The following THSD4 variants were observed in gnomAD, a reference collection of about 807,000 sequenced individuals.
The protein encoded by THSD4 is thrombospondin type-1 domain-containing protein 4.
THSD4 carries 69 observed loss-of-function variants against 119.0 expected under a neutral mutation model. The observed-to-expected ratio is 0.58, with a 90% CI of 0.48 to 0.71. The LOEUF (loss-of-function observed/expected upper bound fraction) is 0.71, where lower values mean the gene tolerates loss of function less well. THSD4 is among the 30% of genes least tolerant of loss of function. The pLI is 0.00. For synonymous variants in THSD4, 524 were observed against 540.4 expected (o/e 0.97, Z 0.42); for missense variants, 1,393 against 1,391.1 (o/e 1.00, Z -0.02).
intron 8 of THSD4, among the ~76,000 whole-genome samples, chr15:71,725,759 G>T (rs1469737791): frequency 6.6e-6 from 1 of 152,116 alleles, no homozygotes; most frequent in Admixed American, 6.5e-5. Flanking sequence ...GATGGTTGAG[G>T]AATTAGTGGG....
intron 7 of THSD4, among the ~76,000 whole-genome samples, chr15:71,538,101 G>A (rs1423242322): frequency 6.6e-6 from 1 of 151,908 alleles, no homozygotes; most frequent in Admixed American, 6.6e-5. Flanking sequence ...TCAACTTACA[G>A]AATTTTAAAA....
intron 7 of THSD4, among the ~76,000 whole-genome samples, chr15:71,419,456 C>T (rs1342532469): frequency 9.2e-6 from 1 of 108,250 alleles, no homozygotes; most frequent in African/African-American, 3.1e-5. Flanking sequence ...CTGCCTTGGC[C>T]TCCCAAAGTG....
intron 7 of THSD4, among the ~76,000 whole-genome samples, chr15:71,458,307 A>G (rs1395849750): frequency 1.3e-5 from 2 of 152,202 alleles, no homozygotes; most frequent in Non-Finnish European, 2.9e-5. Flanking sequence ...CTATTGTTAC[A>G]CTGTGGAAAG....
chr15:71,120,694 A>G (rs2040401834), intron 1 of THSD4, among the ~76,000 whole-genome samples: 2 of 152,228 alleles, frequency 1.3e-5, no homozygotes, highest in Non-Finnish European at 2.9e-5. Flanking sequence ...AGGGCCAGCC[A>G]TGGGCTGGGA....
At chr15:71,746,735 C>G in intron 12 of THSD4, 103 bp from the exon 13 acceptor site, 2 of 1,240,366 alleles carry the variant, frequency 1.6e-6, no homozygotes, top group Non-Finnish European at 2.3e-6. Context: ...GAAACTCTAC[C>G]CATAGTGATT....
intron 17 of THSD4, 59 bp from the exon 18 acceptor site, chr15:71,777,173 A>T: frequency 6.2e-7 from 1 of 1,609,458 alleles, no homozygotes; most frequent in Admixed American, 1.7e-5. Flanking sequence ...TTCTCTTCCC[A>T]CTGGTCCAGG....
At chr15:71,623,594 A>G (rs1416325633) in intron 7 of THSD4, among the ~76,000 whole-genome samples, 2 of 152,216 alleles carry the variant, frequency 1.3e-5, no homozygotes, top group Admixed American at 6.5e-5. Flanking sequence ...TAAAGTAGTT[A>G]AGACTCAATA....
intron 7 of THSD4, among the ~76,000 whole-genome samples, chr15:71,639,522 AT>A (rs1266005406): frequency 1.3e-5 from 2 of 152,184 alleles, no homozygotes; most frequent in Non-Finnish European, 2.9e-5. Context: ...AGTCGTAAGA[AT>A]TTTACTTAAT....
upstream of THSD4, chr15:71,111,819 A>G (rs1045334023): frequency 7.6e-6 from 4 of 526,772 alleles, no homozygotes; most frequent in African/African-American, 5.7e-5. Flanking sequence ...GGATGAAAAC[A>G]CGAGGTTTGT....
At chr15:71,673,168 C>T (rs1446339699) in intron 8 of THSD4, among the ~76,000 whole-genome samples, 1 of 152,146 alleles carries the variant, frequency 6.6e-6, no homozygotes, top group Non-Finnish European at 1.5e-5. Flanking sequence ...ATTTCAGAGC[C>T]TGTTATTGGT....
At chr15:71,748,697 TGGCTCTGGGG>T in intron 14 of THSD4, 103 bp downstream of exon 14, 3 of 1,418,348 alleles carry the variant, frequency 2.1e-6, no homozygotes, top group Admixed American at 4.5e-5. Flanking sequence ...GACTGATTTC[TGGCTCTGGGG>T]GGAAAAAAAA....
intron 8 of THSD4, among the ~76,000 whole-genome samples, chr15:71,676,191 AATAT>A (rs2051644841): frequency 6.6e-6 from 1 of 152,198 alleles, no homozygotes; most frequent in African/African-American, 2.4e-5. Context: ...ATTGTGGTAA[AATAT>A]ATATAAACAT....
At chr15:71,667,265 AGT>A (rs1346878541) in intron 8 of THSD4, among the ~76,000 whole-genome samples, 1 of 152,206 alleles carries the variant, frequency 6.6e-6, no homozygotes, top group East Asian at 1.9e-4. Flanking sequence ...GGGAAAAAAA[AGT>A]TTATTTAAAT....
At chr15:71,512,995 A>T (rs962305864) in intron 7 of THSD4, among the ~76,000 whole-genome samples, 2 of 152,272 alleles carry the variant, frequency 1.3e-5, no homozygotes, top group Non-Finnish European at 2.9e-5. Flanking sequence ...GAATAAGGAA[A>T]TCAACAGAGA....
chr15:71,607,742 G>A (rs2050136082), intron 7 of THSD4, among the ~76,000 whole-genome samples: 1 of 152,168 alleles, frequency 6.6e-6, no homozygotes, highest in Admixed American at 6.5e-5. Flanking sequence ...GGAAGGGCAT[G>A]AGAGGTCCTG....
Position 71,709,640 on chromosome 15 carries a change from G to T in THSD4, c.1358-18909G>T, listed in dbSNP as rs905400800. ...AAGCTGTCTTCGTATTTTCTTAAGGGTCTTATGTAGAAGTTGGATTTGACT... is the reference window on the plus strand; with the variant it reads ...AAGCTGTCTTCGTATTTTCTTAAGGTTCTTATGTAGAAGTTGGATTTGACT... On this transcript the variant is annotated intron_variant, in intron 8 of 17. Transcript: ENST00000261862. 3.9e-5 allele frequency among the ~76,000 whole-genome samples: 6 copies of T among 152,314 alleles called. 1 individual carries two copies. The East Asian group carries it at 9.6e-4, about 24-fold the overall frequency.
chr15:71,154,361 A>G (rs774427727), intron 2 of THSD4, among the ~76,000 whole-genome samples: 71 of 152,232 alleles, frequency 4.7e-4, no homozygotes, highest in Admixed American at 1.5e-3. Flanking sequence ...AAGGCTGGAA[A>G]GAGGCAGAGG....
intron 7 of THSD4, among the ~76,000 whole-genome samples, chr15:71,540,659 C>A (rs1374339541): frequency 7.1e-6 from 1 of 140,998 alleles, no homozygotes; most frequent in Non-Finnish European, 1.5e-5. Context: ...GAACTCCTGA[C>A]CTCATGATCC....
rs147188266 is a variant in THSD4 at position 71,365,131 on chromosome 15, T to TTTTGTGTGTG, written c.1016-46555_1016-46554insTTGTGTGTGT. On this transcript the variant is annotated intron_variant, in intron 6 of 17. Coordinates refer to ENST00000261862, the MANE Select transcript of THSD4 (RefSeq NM_024817.3). Reference sequence around the variant, plus strand: ...GAAAATATATCCACTGCCCCCCCCATTGTGTGTGTGTGTGTGTGTGTGTGT... The same window carrying TTTTGTGTGTG: ...GAAAATATATCCACTGCCCCCCCCATTTTGTGTGTGTGTGTGTGTGTGTGTGTGTGTGTGT... Among the ~76,000 whole-genome samples, 78 of 135,910 alleles carry TTTTGTGTGTG rather than the reference T, an allele frequency of 5.7e-4. 1 individual carries two copies. The highest frequency in any genetic ancestry group is 2.1e-3 in the African/African-American group (76 of 37,042). The allele number at this position is 135,910 out of a possible 152,430, so 89.2% of individuals were successfully genotyped here. A position where few individuals can be genotyped will look rare whatever the true frequency, so the allele number is the denominator to read the frequency against.
Sources: allele counts gnomAD v4.1 joint callset (sites outside exome capture counted in the v4.1 genomes callset), GRCh38; gene constraint gnomAD v4.1.1; transcripts MANE v1.5; gene names NCBI Gene and HGNC (gene_info 2026-07-23, HGNC 2026-07-21).